The following ERC1 variants were observed in gnomAD, a reference collection of about 807,000 sequenced individuals.
The protein encoded by ERC1 is RAB6 interacting protein 2.
A neutral mutation model predicts 132.0 loss-of-function variants in ERC1; 56 were observed. That is an observed-to-expected ratio of 0.42 (90% CI 0.34 to 0.53). The LOEUF (loss-of-function observed/expected upper bound fraction) is 0.53, where lower values mean the gene tolerates loss of function less well. ERC1 is among the 20% of genes least tolerant of loss of function. ERC1 has a pLI of 0.03. For missense variants in ERC1, 1,202 were observed against 1,349.9 expected, an observed-to-expected ratio of 0.89 and a Z score of 1.72; for synonymous variants, 478 against 476.1, an observed-to-expected ratio of 1.00 and a Z score of -0.05.
intron 13 of ERC1, among the ~76,000 whole-genome samples, chr12:1,249,234 C>T (rs577478649): frequency 1.2e-4 from 19 of 152,218 alleles, no homozygotes; most frequent in Non-Finnish European, 2.2e-4. Flanking sequence ...AATACAAGTA[C>T]AATAATTTCA....
At chr12:1,306,302 C>T (rs77571121) in intron 15 of ERC1, among the ~76,000 whole-genome samples, 1 of 152,124 alleles carries the variant, frequency 6.6e-6, no homozygotes, top group African/African-American at 2.4e-5. Flanking sequence ...GAACTTACTG[C>T]TGGGAAGTAG....
At chr12:1,209,794 A>G (rs1957695002) in intron 12 of ERC1, among the ~76,000 whole-genome samples, 1 of 152,222 alleles carries the variant, frequency 6.6e-6, no homozygotes, top group Non-Finnish European at 1.5e-5. Context: ...TAGTGAGTTA[A>G]CGTTTTTCAA....
intron 2 of ERC1, among the ~76,000 whole-genome samples, chr12:1,065,480 T>TTTTG (rs142882646): frequency 7.2e-5 from 9 of 125,014 alleles, no homozygotes; most frequent in South Asian, 2.9e-4. Context: ...TTTGTACCGT[T>TTTTG]TGTGTGTGTG....
At chr12:1,360,607 A>G (rs2085996413) in intron 15 of ERC1, among the ~76,000 whole-genome samples, 1 of 152,244 alleles carries the variant, frequency 6.6e-6, no homozygotes, top group Non-Finnish European at 1.5e-5. Flanking sequence ...CATAATTCCA[A>G]ATATTTAAAT....
intron 15 of ERC1, among the ~76,000 whole-genome samples, chr12:1,300,153 A>G (rs2080278632): frequency 6.6e-6 from 1 of 152,212 alleles, no homozygotes; most frequent in African/African-American, 2.4e-5. Context: ...GAACCCAGAA[A>G]TAAGGCTGTA....
intron 15 of ERC1, among the ~76,000 whole-genome samples, chr12:1,316,176 C>T (rs1332289585): frequency 1.3e-5 from 2 of 152,328 alleles, no homozygotes; most frequent in Admixed American, 6.5e-5. Context: ...CTTGAGCCAC[C>T]GCGCCCGGCT....
At chr12:1,099,639 T>C (rs1387221689) in intron 3 of ERC1, among the ~76,000 whole-genome samples, 2 of 152,162 alleles carry the variant, frequency 1.3e-5, no homozygotes, top group Admixed American at 1.3e-4. Context: ...ATCATTGTAC[T>C]GTGTATTGTT....
intron 14 of ERC1, among the ~76,000 whole-genome samples, chr12:1,284,846 C>G (rs767222685): frequency 2.0e-5 from 3 of 152,188 alleles, no homozygotes; most frequent in Non-Finnish European, 4.4e-5. Flanking sequence ...GATGAAGTCT[C>G]ACTCTGTGGC....
At chr12:1,456,687 A>G (rs2093543977) in intron 18 of ERC1, among the ~76,000 whole-genome samples, 2 of 151,840 alleles carry the variant, frequency 1.3e-5, no homozygotes, top group Non-Finnish European at 2.9e-5. Flanking sequence ...TGTGAGGCCA[A>G]GGGGGAGCAC....
chr12:1,330,265 G>T (rs946994126), intron 15 of ERC1, among the ~76,000 whole-genome samples: 1 of 152,182 alleles, frequency 6.6e-6, no homozygotes, highest in Non-Finnish European at 1.5e-5. Context: ...TCGAGTGAGT[G>T]ATCCTTTCAG....
intron 18 of ERC1, among the ~76,000 whole-genome samples, chr12:1,471,016 TA>T (rs1342451450): frequency 2.6e-5 from 4 of 152,254 alleles, no homozygotes; most frequent in African/African-American, 9.6e-5. Flanking sequence ...TGTTGAGTTT[TA>T]TTTTTTTAAT....
At chr12:1,064,886 T>A (rs754404790) in intron 2 of ERC1, among the ~76,000 whole-genome samples, 107 of 152,352 alleles carry the variant, frequency 7.0e-4, no homozygotes, top group Middle Eastern at 6.8e-3. Context: ...CCATTTACCA[T>A]CTCTTCTGAA....
chr12:1,352,757 T>C (rs2085130661), intron 15 of ERC1, among the ~76,000 whole-genome samples: 1 of 152,364 alleles, frequency 6.6e-6, no homozygotes, highest in Non-Finnish European at 1.5e-5. Context: ...GAGATTGTTA[T>C]CGGAGACTGT....
intron 15 of ERC1, among the ~76,000 whole-genome samples, chr12:1,346,200 A>G (rs1313421476): frequency 6.6e-6 from 1 of 152,158 alleles, no homozygotes; most frequent in African/African-American, 2.4e-5. Flanking sequence ...ATTTTGATAA[A>G]TATCCTGTAT....
intron 11 of ERC1, among the ~76,000 whole-genome samples, chr12:1,187,939 G>C (rs1955291806): frequency 6.6e-6 from 1 of 152,180 alleles, no homozygotes; most frequent in African/African-American, 2.4e-5. Context: ...CAAGGTCATG[G>C]AGAACCTCCT....
intron 17 of ERC1, among the ~76,000 whole-genome samples, chr12:1,433,570 T>C (rs2092863230): frequency 6.6e-6 from 1 of 152,244 alleles, no homozygotes; most frequent in Non-Finnish European, 1.5e-5. Flanking sequence ...CTTGAAATGC[T>C]GCATCTGGGA....
intron 17 of ERC1, among the ~76,000 whole-genome samples, chr12:1,436,036 G>C (rs2092937270): frequency 6.6e-6 from 1 of 152,186 alleles, no homozygotes; most frequent in South Asian, 2.1e-4. Flanking sequence ...GCACTCAGCA[G>C]TAGACTTATA....
At chr12:1,232,239 A>G (rs1418331290) in intron 12 of ERC1, among the ~76,000 whole-genome samples, 1 of 151,990 alleles carries the variant, frequency 6.6e-6, no homozygotes. Flanking sequence ...TGCTTTCAAA[A>G]TTTCCTCTTT....
chr12:1,190,324 T>G (rs1454941316), intron 12 of ERC1: 9 of 464,422 alleles, frequency 1.9e-5, no homozygotes, highest in Non-Finnish European at 3.2e-5. Context: ...AAAATTAAAG[T>G]TTTTTTTACT....
Sources: gnomAD v4.1 joint callset for allele counts (sites outside exome capture counted in the v4.1 genomes callset) on GRCh38, gnomAD v4.1.1 for gene constraint, MANE v1.5 for transcripts, NCBI Gene and HGNC (gene_info 2026-07-23, HGNC 2026-07-21) for gene names.